The following BMPR2 variants were observed in gnomAD, a reference collection of about 807,000 sequenced individuals.
The protein encoded by BMPR2 is bone morphogenetic protein receptor type-2.
A neutral mutation model predicts 100.8 loss-of-function variants in BMPR2; 29 were observed. That is an observed-to-expected ratio of 0.29 (90% CI 0.21 to 0.39). The LOEUF (loss-of-function observed/expected upper bound fraction) is 0.39. Ranked by LOEUF, BMPR2 falls within the 10% of genes least tolerant of loss-of-function variation. The pLI is 1.00. For missense variants in BMPR2, 1,011 were observed against 1,274.5 expected, an observed-to-expected ratio of 0.79 and a Z score of 3.15; for synonymous variants, 382 against 442.3, an observed-to-expected ratio of 0.86 and a Z score of 1.71.
intron 1 of BMPR2, among the ~76,000 whole-genome samples, chr2:202,435,665 C>A (rs1046569700): frequency 1.3e-5 from 2 of 149,846 alleles, no homozygotes; most frequent in Non-Finnish European, 2.9e-5. Context: ...TGACCTAGAG[C>A]AAGTTCTAGT....
chr2:202,535,445 C>T (rs371027836), intron 9 of BMPR2, among the ~76,000 whole-genome samples: 3 of 147,754 alleles, frequency 2.0e-5, no homozygotes, highest in East Asian at 2.1e-4. Flanking sequence ...ACATCCCAGA[C>T]GGGGCGGCGG....
At chr2:202,413,877 C>T (rs879891671) in intron 1 of BMPR2, among the ~76,000 whole-genome samples, 1 of 152,008 alleles carries the variant, frequency 6.6e-6, no homozygotes, top group African/African-American at 2.4e-5. Flanking sequence ...GTTGCCTAGG[C>T]GGTGTGGAAT....
chr2:202,532,530 G>C lies in BMPR2; in HGVS notation c.1129-55G>C. The C allele has an allele frequency of 6.3e-7, 1 of 1,585,594 alleles. No individual in the cohort carries two copies. The highest frequency in any genetic ancestry group is 8.7e-7 in the Non-Finnish European group (1 of 1,155,204). On this transcript the variant is annotated intron_variant, in intron 8 of 12. Coordinates refer to ENST00000374580, the MANE Select transcript of BMPR2 (RefSeq NM_001204.7). This position sits in a 1 kb window ranked among gnomAD's most constrained non-coding sequence, Gnocchi z 4.1. The stretch of plus-strand genomic sequence containing the variant: ...ATATATAACTTCTGGTCTAATGTCT[G>C]TTCTTCAGAATATGCTACGTTCTCT...
chr2:202,545,091 T>C (rs1451929117), intron 10 of BMPR2, among the ~76,000 whole-genome samples: 1 of 148,958 alleles, frequency 6.7e-6, no homozygotes, highest in African/African-American at 2.5e-5. Flanking sequence ...TTTCTTACCT[T>C]TCAATTCTTC....
intron 3 of BMPR2, among the ~76,000 whole-genome samples, chr2:202,484,470 C>A (rs894143329): frequency 1.3e-5 from 2 of 150,574 alleles, no homozygotes; most frequent in Non-Finnish European, 1.5e-5. Context: ...GTCAGGAGAT[C>A]GAGACCATCC....
At chr2:202,414,503 G>A (rs1691082977) in intron 1 of BMPR2, among the ~76,000 whole-genome samples, 1 of 152,230 alleles carries the variant, frequency 6.6e-6, no homozygotes, top group Admixed American at 6.5e-5. Flanking sequence ...AAGGCATGCT[G>A]AAAGCCAAGA....
intron 12 of BMPR2, among the ~76,000 whole-genome samples, chr2:202,558,309 G>A (rs10172725): frequency 1.1e-4 from 16 of 151,896 alleles, no homozygotes; most frequent in Admixed American, 7.2e-4. Flanking sequence ...GAGGGGTTTC[G>A]CCATGTTGGC....
intron 3 of BMPR2, among the ~76,000 whole-genome samples, chr2:202,477,285 A>G (rs1692568441): frequency 6.6e-6 from 1 of 152,190 alleles, no homozygotes; most frequent in African/African-American, 2.4e-5. Context: ...AAACTATTAC[A>G]AACATCCTCC....
At chr2:202,500,123 A>G (rs995023774) in intron 3 of BMPR2, among the ~76,000 whole-genome samples, 4 of 152,114 alleles carry the variant, frequency 2.6e-5, no homozygotes, top group African/African-American at 9.7e-5. Context: ...AGCTCATGTC[A>G]TCACCCTCAC....
chr2:202,380,266 A>G (rs1034423531), intron 1 of BMPR2, among the ~76,000 whole-genome samples: 2 of 152,170 alleles, frequency 1.3e-5, no homozygotes, highest in African/African-American at 4.8e-5. Context: ...TAATAAAAGA[A>G]TACAACACAG....
chr2:202,461,409 G>A (rs911403128), intron 1 of BMPR2, among the ~76,000 whole-genome samples: 12 of 152,060 alleles, frequency 7.9e-5, no homozygotes, highest in African/African-American at 2.7e-4. Context: ...GCTTGAACCC[G>A]GGAGACGGAG....
At chr2:202,401,686 G>A (rs906499877) in intron 1 of BMPR2, among the ~76,000 whole-genome samples, 2 of 152,158 alleles carry the variant, frequency 1.3e-5, no homozygotes, top group African/African-American at 2.4e-5. Flanking sequence ...AAAGCAAAAG[G>A]TGAGCCAAAA....
chr2:202,552,418 G>A (rs888596938), intron 10 of BMPR2, among the ~76,000 whole-genome samples: 5 of 152,204 alleles, frequency 3.3e-5, no homozygotes, highest in East Asian at 1.9e-4. Context: ...TTGACATAAC[G>A]TAACTGAATT....
rs1297426928 is a variant in BMPR2, at chr2:202,534,994, G to GGCCGGGCGTGTGGCTGACCCCC, written c.1276+2262_1276+2263insGCCGGGCGTGTGGCTGACCCCC. ...TGGCCGGGCGGGTGGCTGACCCCCT[G>GGCCGGGCGTGTGGCTGACCCCC]CCACCTCCCTCCCGGACGGGTCGGC... On this transcript the variant is annotated intron_variant, in intron 9 of 12. Coordinates refer to ENST00000374580, the MANE Select transcript of BMPR2 (RefSeq NM_001204.7). Among the ~76,000 whole-genome samples, 2 of 14,244 alleles carry GGCCGGGCGTGTGGCTGACCCCC rather than the reference G, an allele frequency of 1.4e-4. 1 individual carries two copies. Among genetic ancestry groups the GGCCGGGCGTGTGGCTGACCCCC allele is most frequent in the Non-Finnish European group, 3.3e-4 (2 of 6,032 alleles). The allele number at this position is 14,244 out of a possible 152,430, so 9.3% of individuals were successfully genotyped here.
intron 3 of BMPR2, among the ~76,000 whole-genome samples, chr2:202,512,329 G>A (rs1422632152): frequency 3.9e-5 from 6 of 152,314 alleles, no homozygotes; most frequent in African/African-American, 1.4e-4. Context: ...CTTCTGATCA[G>A]TATTACCAAA....
chr2:202,436,038 T>G (rs1691607766), intron 1 of BMPR2, among the ~76,000 whole-genome samples: 2 of 150,876 alleles, frequency 1.3e-5, no homozygotes, highest in South Asian at 4.1e-4. Context: ...ATGTTTACCT[T>G]TGCATTTGGT....
At chr2:202,453,712 G>C (rs1692034034) in intron 1 of BMPR2, among the ~76,000 whole-genome samples, 1 of 151,956 alleles carries the variant, frequency 6.6e-6, no homozygotes, top group Admixed American at 6.6e-5. Flanking sequence ...ATGGTTAATG[G>C]GTACAAAAGT....
At chr2:202,548,363 T>C (rs1688413030) in intron 10 of BMPR2, among the ~76,000 whole-genome samples, 2 of 151,694 alleles carry the variant, frequency 1.3e-5, no homozygotes, top group African/African-American at 4.8e-5. Flanking sequence ...GAGGGAGGAG[T>C]ATCGCTTGAG....
intron 7 of BMPR2, among the ~76,000 whole-genome samples, chr2:202,522,655 C>A (rs1687839037): frequency 6.6e-6 from 1 of 151,924 alleles, no homozygotes. Context: ...CATAGTCAGA[C>A]CCCCATCTCT....
Sources: gnomAD v4.1 joint callset for allele counts (sites outside exome capture counted in the v4.1 genomes callset) on GRCh38, gnomAD v4.1.1 for gene constraint, Gnocchi (gnomAD v3.1) non-coding constraint, MANE v1.5 for transcripts, NCBI Gene and HGNC (gene_info 2026-07-23, HGNC 2026-07-21) for gene names.